CCSER1: variants seen among roughly 807,000 people sequenced by gnomAD.
The protein encoded by CCSER1 is coiled-coil serine rich protein 1.
Under a neutral mutation model 82.0 loss-of-function variants are expected in CCSER1, and 41 were observed. The observed-to-expected ratio is 0.50, with a 90% CI of 0.39 to 0.65. CCSER1 has a LOEUF of 0.65. CCSER1 is among the 30% of genes least tolerant of loss of function. CCSER1 has a pLI of 0.00. For synonymous variants in CCSER1, 414 were observed against 383.9 expected (o/e 1.08, Z -0.92); for missense variants, 1,119 against 1,064.2 (o/e 1.05, Z -0.72).
At chr4:90,283,664 C>G (rs1220766440) in intron 1 of CCSER1, among the ~76,000 whole-genome samples, 4 of 151,962 alleles carry the variant, frequency 2.6e-5, no homozygotes, top group Non-Finnish European at 5.9e-5. Flanking sequence ...TTTATCTCTG[C>G]CTCCTTATGG....
At chr4:91,038,542 G>A (rs914703465) in intron 9 of CCSER1, among the ~76,000 whole-genome samples, 1 of 152,178 alleles carries the variant, frequency 6.6e-6, no homozygotes, top group African/African-American at 2.4e-5. Flanking sequence ...TAAGTTGGAT[G>A]AATAAAGAAC....
At position 91,345,486 on chromosome 4, in the gene CCSER1, C is replaced by T. The variant is rs1272340134; in HGVS notation, c.2218-253086C>T. On this transcript the variant is annotated intron_variant, in intron 10 of 10. Transcript: ENST00000509176. ...TGAATAAGTATTTATTTAGGTAAAC[C>T]TTTGCAACAAATTGGACTTTTCTTT... is the stretch of plus-strand genomic sequence containing the variant. Among the ~76,000 whole-genome samples, 3 of 152,136 alleles carry T rather than the reference C, an allele frequency of 2.0e-5. No individual in the cohort carries two copies. In the East Asian group the frequency reaches 5.8e-4, roughly 29 times the overall value.
At chr4:90,348,711 T>TA (rs1180565345) in intron 3 of CCSER1, among the ~76,000 whole-genome samples, 2 of 151,844 alleles carry the variant, frequency 1.3e-5, no homozygotes, top group Non-Finnish European at 2.9e-5. Flanking sequence ...ATTTTCAGAT[T>TA]AAAAAAAAGA....
intron 10 of CCSER1, among the ~76,000 whole-genome samples, chr4:91,380,392 G>A (rs1325522034): frequency 1.3e-5 from 2 of 152,112 alleles, no homozygotes; most frequent in Non-Finnish European, 2.9e-5. Context: ...AAGTCTCTTT[G>A]TAGGTCTCTA....
intron 3 of CCSER1, among the ~76,000 whole-genome samples, chr4:90,368,663 A>G (rs1430717706): frequency 4.6e-5 from 7 of 151,772 alleles, no homozygotes; most frequent in South Asian, 2.1e-4. Context: ...CTCAAATGTC[A>G]TCTCTCAATT....
chr4:90,907,053 T>A (rs1725592247), intron 8 of CCSER1, among the ~76,000 whole-genome samples: 1 of 152,158 alleles, frequency 6.6e-6, no homozygotes, highest in Admixed American at 6.6e-5. Context: ...TGCAGCCATA[T>A]AAGCTTCTAG....
chr4:91,064,583 C>T (rs1744206771), intron 9 of CCSER1, among the ~76,000 whole-genome samples: 1 of 152,228 alleles, frequency 6.6e-6, no homozygotes, highest in South Asian at 2.1e-4. Context: ...CATGCAGGCA[C>T]TCTCTGCCTA....
intron 10 of CCSER1, among the ~76,000 whole-genome samples, chr4:91,210,305 T>C (rs1314813017): frequency 6.6e-6 from 1 of 150,990 alleles, no homozygotes; most frequent in Admixed American, 6.6e-5. Flanking sequence ...ATTGAAGATA[T>C]GGGAAACCAT....
At chr4:90,492,973 AG>A (rs996690464) in intron 5 of CCSER1, among the ~76,000 whole-genome samples, 7 of 152,152 alleles carry the variant, frequency 4.6e-5, no homozygotes, top group Admixed American at 1.3e-4. Flanking sequence ...TCCGAGCTAA[AG>A]GAGGAAGTTC....
rs565969122 is a variant in CCSER1 at position 90,851,476 on chromosome 4, G to T, written c.2094+35631G>T. Among the ~76,000 whole-genome samples the T allele has an allele frequency of 5.6e-4, 85 of 151,218 alleles. No individual in the cohort carries two copies. The South Asian group carries it at 7.8e-3, about 14-fold the overall frequency. On this transcript the variant is annotated intron_variant, in intron 8 of 10. Coordinates refer to ENST00000509176, the MANE Select transcript of CCSER1 (RefSeq NM_001145065.2). Reference sequence around the variant, plus strand: ...GTACATGGGGAGGGGTGGGGGGGGCGCTGTCCAGTTTTTAAATGGTTGAGA... The same window carrying T: ...GTACATGGGGAGGGGTGGGGGGGGCTCTGTCCAGTTTTTAAATGGTTGAGA...
intron 10 of CCSER1, among the ~76,000 whole-genome samples, chr4:91,347,711 A>G (rs1234735189): frequency 6.6e-6 from 1 of 152,044 alleles, no homozygotes; most frequent in Non-Finnish European, 1.5e-5. Context: ...ATATCTAAGT[A>G]TTCAATTTTT....
chr4:91,343,164 T>G (rs904045494), intron 10 of CCSER1, among the ~76,000 whole-genome samples: 7 of 152,074 alleles, frequency 4.6e-5, no homozygotes, highest in African/African-American at 1.7e-4. Context: ...CAGTTTTTCC[T>G]TTTTGCCCAA....
chr4:90,547,608 A>G (rs1560698829), intron 5 of CCSER1, among the ~76,000 whole-genome samples: 1 of 152,128 alleles, frequency 6.6e-6, no homozygotes, highest in Non-Finnish European at 1.5e-5. Flanking sequence ...CCTTTCAAAA[A>G]CTTTAAAAGT....
chr4:91,460,821 GAGA>G (rs1756461187), intron 10 of CCSER1, among the ~76,000 whole-genome samples: 1 of 152,142 alleles, frequency 6.6e-6, no homozygotes, highest in Admixed American at 6.5e-5. Flanking sequence ...GTATGCTACA[GAGA>G]AGGATGGTTG....
At chr4:90,563,890 A>G (rs1055640832) in intron 5 of CCSER1, among the ~76,000 whole-genome samples, 16 of 152,324 alleles carry the variant, frequency 1.1e-4, no homozygotes, top group African/African-American at 2.6e-4. Context: ...ATACTAAGTT[A>G]CATTCCTACC....
chr4:90,481,971 G>A (rs1367914449), intron 5 of CCSER1, among the ~76,000 whole-genome samples: 2 of 152,136 alleles, frequency 1.3e-5, no homozygotes, highest in Non-Finnish European at 2.9e-5. Context: ...TGTACCTCTG[G>A]TAGAATTCGG....
chr4:90,552,556 C>T (rs1777645693), intron 5 of CCSER1, among the ~76,000 whole-genome samples: 1 of 152,076 alleles, frequency 6.6e-6, no homozygotes, highest in South Asian at 2.1e-4. Flanking sequence ...TTCCCGGGCT[C>T]AAGCGATTCT....
rs145481117 is a variant in CCSER1 at position 91,209,725 on chromosome 4, G to A, written c.2217+123731G>A. On this transcript the variant is annotated intron_variant, in intron 10 of 10. Coordinates refer to ENST00000509176, the MANE Select transcript of CCSER1 (RefSeq NM_001145065.2). Reference sequence around the variant, plus strand: ...TTCGTATCAGGATGATGCTGGCCTCGTAGAATGAATTGGGGAGGAGTCAAT... The same window carrying A: ...TTCGTATCAGGATGATGCTGGCCTCATAGAATGAATTGGGGAGGAGTCAAT... Among the ~76,000 whole-genome samples the A allele has an allele frequency of 8.5e-3, 1,293 of 151,698 alleles. 14 individuals carry two copies. The highest frequency in any genetic ancestry group is 0.029 in the African/African-American group (1,217 of 41,426).
intron 1 of CCSER1, among the ~76,000 whole-genome samples, chr4:90,181,900 G>A (rs955308000): frequency 6.6e-6 from 1 of 152,084 alleles, no homozygotes; most frequent in Non-Finnish European, 1.5e-5. Context: ...CATAAAAGAA[G>A]TCATTTGGTA....
Sources: gnomAD v4.1 joint callset for allele counts (sites outside exome capture counted in the v4.1 genomes callset) on GRCh38, gnomAD v4.1.1 for gene constraint, MANE v1.5 for transcripts, NCBI Gene and HGNC (gene_info 2026-07-23, HGNC 2026-07-21) for gene names.